Variants in MFN2 observed in about 807,000 individuals in gnomAD.
MFN2 encodes mitofusin-2.
MFN2 carries 43 observed loss-of-function variants against 87.5 expected under a neutral mutation model. The observed-to-expected ratio is 0.49, with a 90% CI of 0.38 to 0.63. MFN2 has a LOEUF of 0.63. MFN2 is among the 30% of genes least tolerant of loss of function. The pLI is 0.00. For missense variants in MFN2, 743 were observed against 972.8 expected, an observed-to-expected ratio of 0.76 and a Z score of 3.14; for synonymous variants, 337 against 359.9, an observed-to-expected ratio of 0.94 and a Z score of 0.72.
At chr1:12,008,589 C>T (rs925032896) in intron 17 of MFN2, among the ~76,000 whole-genome samples, 28 of 148,246 alleles carry the variant, frequency 1.9e-4, no homozygotes, top group Non-Finnish European at 3.1e-4. Flanking sequence ...CGGGCAGAGA[C>T]GCTCCTCACC....
chr1:12,005,806 G>A lies in MFN2; in HGVS notation c.1591G>A (p.Asp531Asn). 6.2e-7 allele frequency: 1 copy of A among 1,614,192 alleles called. No homozygotes were observed. Among genetic ancestry groups the A allele is most frequent in the South Asian group, 1.1e-5 (1 of 91,080 alleles). ...CTCCCTCAACTATGACCTAAACTGT[G>A]ACAAGCTGTGTGCTGACTTCCAGGA... ...CFSLNYDLNC[D>N]KLCADFQEDI... is the part of the protein sequence containing the mutation. The change falls in exon 15 of 19, where the codon GAC becomes AAC. Residue 531 changes from aspartate to asparagine, a missense_variant. By Grantham distance (23) the Asp-to-Asn change is conservative. Around this residue, in one of 3 missense-constraint regions of MFN2, gnomAD observed 571 missense variants for 670.7 expected, o/e 0.85. Transcript: ENST00000235329.
chr1:11,998,414 G>A (rs1639023140), intron 6 of MFN2, among the ~76,000 whole-genome samples: 1 of 151,968 alleles, frequency 6.6e-6, no homozygotes, highest in African/African-American at 2.4e-5. Context: ...TGGGCATGGT[G>A]GTGCGTGCCT....
rs756278846 is a variant in MFN2, at chr1:12,004,790, A to G, written c.1393-35A>G. The G allele has an allele frequency of 1.1e-5, 17 of 1,599,920 alleles. No homozygotes were observed. In the Admixed American group the frequency reaches 2.7e-4, roughly 25 times the overall value. On this transcript the variant is annotated intron_variant, in intron 13 of 18. Coordinates refer to ENST00000235329, the MANE Select transcript of MFN2 (RefSeq NM_014874.4). This position sits in a 1 kb window ranked among gnomAD's most constrained non-coding sequence, Gnocchi z 4.2. ...TGTGGCCTGAAGGGAATTTTGATGG[A>G]CATGCTTCTCTTAACTTCCCTCTTC...
At chr1:12,000,437 G>T (rs1265763498) in intron 8 of MFN2, among the ~76,000 whole-genome samples, 7 of 152,094 alleles carry the variant, frequency 4.6e-5, no homozygotes, top group Admixed American at 3.9e-4. Flanking sequence ...TGATCCGCCC[G>T]CCTCGGCCTC....
At position 12,011,580 on chromosome 1, in the gene MFN2, G is replaced by A. The variant is rs141339523; in HGVS notation, c.*15G>A. On this transcript the variant is annotated 3_prime_UTR_variant, in exon 19 of 19. Transcript: ENST00000235329. ...CCAGCAGATAGTGGGCACCTGAGGC[G>A]GAGTCTGCGTGGAGAGGGGCGGTGC... 795 of 1,613,514 alleles carry A rather than the reference G, an allele frequency of 4.9e-4. 1 individual carries two copies. In the African/African-American group the frequency reaches 9.4e-3, roughly 19 times the overall value.
intron 17 of MFN2, among the ~76,000 whole-genome samples, chr1:12,008,401 G>A (rs1416532808): frequency 7.1e-6 from 1 of 140,250 alleles, no homozygotes; most frequent in African/African-American, 2.6e-5. Flanking sequence ...CCCGGACGGG[G>A]TGGCTGGCCG....
chr1:12,000,508 T>C (rs6676963), intron 8 of MFN2, among the ~76,000 whole-genome samples: 87,240 of 152,102 alleles, frequency 0.57, 25,456 homozygotes, highest in South Asian at 0.63. Flanking sequence ...CACTAGGCAG[T>C]GTGACTTTGT....
intron 2 of MFN2, among the ~76,000 whole-genome samples, chr1:11,988,028 C>T (rs1638498476): frequency 6.6e-6 from 1 of 152,018 alleles, no homozygotes; most frequent in South Asian, 2.1e-4. Context: ...TTTTCCCCTT[C>T]AGTTTCCAAA....
intron 6 of MFN2, among the ~76,000 whole-genome samples, chr1:11,997,879 CTTTTTTTTTT>C (rs768355266): frequency 2.1e-5 from 2 of 95,836 alleles, no homozygotes; most frequent in Admixed American, 1.3e-4. Context: ...TGTATATCAT[CTTTTTTTTTT>C]TTTTTTTTTT....
chr1:12,004,332 G>A lies in MFN2; in HGVS notation c.1288-177G>A, dbSNP rs567303118. 5.9e-5 allele frequency among the ~76,000 whole-genome samples: 9 copies of A among 152,278 alleles called. No individual in the cohort carries two copies. In the East Asian group the frequency reaches 1.2e-3, roughly 20 times the overall value. The stretch of plus-strand genomic sequence containing the variant: ...CTGGACCTCCACAGATCATGTGGGC[G>A]TTTGATCAGCCAGTTTCCCAGACCC... On this transcript the variant is annotated intron_variant, in intron 12 of 18. Coordinates refer to ENST00000235329, the MANE Select transcript of MFN2 (RefSeq NM_014874.4). This position sits in a 1 kb window ranked among gnomAD's most constrained non-coding sequence, Gnocchi z 4.2.
intron 4 of MFN2, among the ~76,000 whole-genome samples, chr1:11,995,430 C>T (rs952550491): frequency 1.1e-4 from 17 of 151,880 alleles, no homozygotes; most frequent in African/African-American, 3.6e-4. Context: ...GTCAGGAGTT[C>T]GCGACCAGTC....
intron 1 of MFN2, among the ~76,000 whole-genome samples, chr1:11,981,059 A>C (rs957390026): frequency 6.6e-6 from 1 of 152,240 alleles, no homozygotes; most frequent in African/African-American, 2.4e-5. Flanking sequence ...GTAATCCTTC[A>C]TTGCCCTCTT....
intron 2 of MFN2, among the ~76,000 whole-genome samples, chr1:11,983,189 C>T (rs1646017287): frequency 6.6e-6 from 1 of 152,194 alleles, no homozygotes; most frequent in Non-Finnish European, 1.5e-5. Flanking sequence ...CCTCCTGCCT[C>T]AGCCTCCCGA....
Position 11,998,693 on chromosome 1 carries a change from G to T in MFN2, c.600-77G>T, listed in dbSNP as rs878961295. 5.2e-6 allele frequency: 7 copies of T among 1,349,814 alleles called. No individual in the cohort carries two copies. The Admixed American group carries it at 8.4e-5, about 16-fold the overall frequency. The allele number at this position is 1,349,814 out of a possible 1,614,324, so 83.6% of individuals were successfully genotyped here. A position where few individuals can be genotyped will look rare whatever the true frequency, so the allele number is the denominator to read the frequency against. On this transcript the variant is annotated intron_variant, in intron 6 of 18. Transcript: ENST00000235329. ...CCTCCATGACCTGCCTGCCTCACAA[G>T]TCCCAGGTCTGTTCTCAGCAGGAAG...
rs141468012 is a variant in MFN2, at chr1:12,007,100, C to T, written c.1920C>T (p.Leu640=). 7 of 1,614,042 alleles carry T rather than the reference C, an allele frequency of 4.3e-6. No homozygotes were observed. Among genetic ancestry groups the T allele is most frequent in the Middle Eastern group, 1.6e-4 (1 of 6,068 alleles). The part of the protein sequence containing the change: ...GWRLIALSFG[L]YGLLYVYERL... ...GGCTCATTGCCCTCTCCTTTGGGCT[C>T]TATGGCCTCCTCTACGTCTATGAGC... The change falls in exon 17 of 19, where the codon CTC becomes CTT. Residue 640 remains leucine, a synonymous_variant. Coordinates refer to ENST00000235329, the MANE Select transcript of MFN2 (RefSeq NM_014874.4).
chr1:12,002,705 A>G (rs1639231815), intron 11 of MFN2, among the ~76,000 whole-genome samples: 1 of 152,110 alleles, frequency 6.6e-6, no homozygotes, highest in Admixed American at 6.5e-5. Flanking sequence ...TAATATGAAA[A>G]CACCTTGCTT....
chr1:11,997,038 CAAAA>C (rs35141271), intron 5 of MFN2, among the ~76,000 whole-genome samples: 7 of 99,794 alleles, frequency 7.0e-5, no homozygotes, highest in Admixed American at 1.1e-4. Context: ...GACTCCGTCT[CAAAA>C]AAAAAAAAAA....
chr1:11,989,981 T>C (rs1482877042), intron 3 of MFN2, among the ~76,000 whole-genome samples: 1 of 152,208 alleles, frequency 6.6e-6, no homozygotes, highest in African/African-American at 2.4e-5. Flanking sequence ...AAGGACACTT[T>C]GGCGCCAGGT....
At chr1:12,001,709 T>C in intron 9 of MFN2, 60 bp from the exon 10 acceptor site, 1 of 1,607,714 alleles carries the variant, frequency 6.2e-7, no homozygotes, top group Non-Finnish European at 8.5e-7. Flanking sequence ...TTTCTGGGGA[T>C]TTCATCGTTT....
Sources: allele counts gnomAD v4.1 joint callset (sites outside exome capture counted in the v4.1 genomes callset), GRCh38; gene constraint gnomAD v4.1.1; regional missense constraint gnomAD v4.1.1; non-coding constraint Gnocchi (gnomAD v3.1); transcripts MANE v1.5; gene names NCBI Gene and HGNC (gene_info 2026-07-23, HGNC 2026-07-21).